Variants in SHISA6 observed in about 807,000 individuals in gnomAD.
SHISA6 encodes the protein protein shisa-6.
A neutral mutation model predicts 47.9 loss-of-function variants in SHISA6; 22 were observed. That is an observed-to-expected ratio of 0.46 (90% CI 0.33 to 0.66). The LOEUF (loss-of-function observed/expected upper bound fraction) is 0.66. SHISA6 is among the 30% of genes least tolerant of loss of function. The pLI, the probability that SHISA6 is intolerant of heterozygous loss-of-function variation, is 0.02. For synonymous variants in SHISA6, 388 were observed against 337.8 expected, an observed-to-expected ratio of 1.15 and a Z score of -1.63; for missense variants, 680 against 764.6, an observed-to-expected ratio of 0.89 and a Z score of 1.30.
chr17:11,517,695 G>C (rs907596783), intron 3 of SHISA6, among the ~76,000 whole-genome samples: 27 of 152,090 alleles, frequency 1.8e-4, no homozygotes, highest in Middle Eastern at 3.4e-3. Flanking sequence ...TAGAGACGGG[G>C]GTCTTGCTGT....
At chr17:11,397,455 TC>T (rs1285179101) in intron 3 of SHISA6, among the ~76,000 whole-genome samples, 10 of 150,770 alleles carry the variant, frequency 6.6e-5, no homozygotes, top group African/African-American at 2.5e-4. Flanking sequence ...TTTTGTTTTT[TC>T]TCTGAAGTTT....
chr17:11,493,889 C>CT (rs915858735), intron 3 of SHISA6, among the ~76,000 whole-genome samples: 4 of 149,488 alleles, frequency 2.7e-5, no homozygotes, highest in Non-Finnish European at 5.9e-5. Flanking sequence ...AATGAAAACT[C>CT]TAACTAAATT....
At chr17:11,383,449 G>A (rs1193209628) in intron 3 of SHISA6, among the ~76,000 whole-genome samples, 4 of 152,088 alleles carry the variant, frequency 2.6e-5, no homozygotes, top group African/African-American at 9.7e-5. Context: ...GATTGAGAAC[G>A]TGAGATCTTA....
chr17:11,420,564 A>G (rs1438567136), intron 3 of SHISA6, among the ~76,000 whole-genome samples: 1 of 152,212 alleles, frequency 6.6e-6, no homozygotes, highest in East Asian at 1.9e-4. Context: ...CTCCGCAGCA[A>G]TAATGAAATT....
intron 2 of SHISA6, among the ~76,000 whole-genome samples, chr17:11,274,596 C>T (rs1047032493): frequency 1.3e-5 from 2 of 152,224 alleles, no homozygotes; most frequent in East Asian, 3.9e-4. Flanking sequence ...GGCTTAATGT[C>T]CGTTGCCTAC....
chr17:11,242,099 G>C (rs1907389280), intron 1 of SHISA6, 39 bp downstream of exon 1: 10 of 1,547,084 alleles, frequency 6.5e-6, no homozygotes, highest in South Asian at 1.2e-5. Flanking sequence ...GTCTCCCCGC[G>C]GCCTCACCCT....
chr17:11,333,701 G>T (rs1597462714), intron 2 of SHISA6, among the ~76,000 whole-genome samples: 1 of 152,048 alleles, frequency 6.6e-6, no homozygotes, highest in African/African-American at 2.4e-5. Flanking sequence ...TTTTAGTAGA[G>T]ATGGGGTTTC....
intron 2 of SHISA6, among the ~76,000 whole-genome samples, chr17:11,360,140 A>G (rs554260794): frequency 1.6e-4 from 25 of 152,354 alleles, no homozygotes; most frequent in African/African-American, 5.8e-4. Context: ...TGCAGCCACA[A>G]AAAGGATGAG....
chr17:11,264,067 A>T (rs1423699831), intron 2 of SHISA6, among the ~76,000 whole-genome samples: 1 of 152,180 alleles, frequency 6.6e-6, no homozygotes, highest in African/African-American at 2.4e-5. Flanking sequence ...TTTTGTACTT[A>T]TCATAGCTAT....
chr17:11,482,549 G>A (rs1916248741), intron 3 of SHISA6, among the ~76,000 whole-genome samples: 2 of 152,114 alleles, frequency 1.3e-5, no homozygotes, highest in African/African-American at 2.4e-5. Context: ...TTTATCTGAC[G>A]ACCCCACGAT....
chr17:11,356,535 G>A (rs1912085188), intron 2 of SHISA6, among the ~76,000 whole-genome samples: 1 of 152,172 alleles, frequency 6.6e-6, no homozygotes, highest in African/African-American at 2.4e-5. Context: ...CTCTAAATGA[G>A]CCCAAGAACT....
chr17:11,260,475 C>T (rs1908189064), intron 1 of SHISA6, among the ~76,000 whole-genome samples: 1 of 152,038 alleles, frequency 6.6e-6, no homozygotes, highest in Admixed American at 6.6e-5. Flanking sequence ...TTGGCCGTCT[C>T]TGTGTCTCTC....
intron 1 of SHISA6, among the ~76,000 whole-genome samples, chr17:11,246,584 G>T (rs1194242702): frequency 6.6e-6 from 1 of 152,206 alleles, no homozygotes; most frequent in Non-Finnish European, 1.5e-5. Context: ...GGGGAAGGAT[G>T]CTGGGAAGGC....
intron 3 of SHISA6, among the ~76,000 whole-genome samples, chr17:11,516,615 A>T (rs1221083365): frequency 6.6e-6 from 1 of 152,124 alleles, no homozygotes; most frequent in Non-Finnish European, 1.5e-5. Context: ...ACTTCAAACT[A>T]CCTATGGTTT....
chr17:11,463,232 A>C (rs1915735221), intron 3 of SHISA6, among the ~76,000 whole-genome samples: 1 of 152,202 alleles, frequency 6.6e-6, no homozygotes, highest in African/African-American at 2.4e-5. Flanking sequence ...TACCTACTTC[A>C]AAAGGGTATT....
chr17:11,259,936 T>A (rs1261545785), intron 1 of SHISA6, among the ~76,000 whole-genome samples: 1 of 152,204 alleles, frequency 6.6e-6, no homozygotes, highest in African/African-American at 2.4e-5. Flanking sequence ...GTACTGGAAT[T>A]AGCCTGAACC....
intron 3 of SHISA6, among the ~76,000 whole-genome samples, chr17:11,469,729 A>G (rs1372947650): frequency 6.6e-6 from 1 of 152,084 alleles, no homozygotes; most frequent in Admixed American, 6.5e-5. Context: ...ACAGAGCTCC[A>G]GCTCCAGACT....
intron 3 of SHISA6, among the ~76,000 whole-genome samples, chr17:11,482,361 G>A (rs2142331503): frequency 6.6e-6 from 1 of 152,306 alleles, no homozygotes; most frequent in African/African-American, 2.4e-5. Context: ...ATAAGTTTAT[G>A]TAAATTCCAG....
Position 11,558,092 on chromosome 17 carries a change from G to T in SHISA6, c.1444G>T (p.Val482Leu). 1 of 1,551,634 alleles carries T rather than the reference G, an allele frequency of 6.4e-7. No homozygotes were observed. Among genetic ancestry groups the T allele is most frequent in the South Asian group, 1.2e-5 (1 of 84,058 alleles). Residue 482 changes from valine (V) to leucine (L), a missense_variant, in exon 6 of 6, where the codon GTG (valine) becomes TTG (leucine). Coordinates refer to ENST00000441885, the MANE Select transcript of SHISA6 (RefSeq NM_207386.4). ...SRAISHTDVFVSTPVLDRYRM... is the reference protein window; with the variant it reads ...SRAISHTDVFLSTPVLDRYRM... ...GGCCATCTCGCACACGGACGTCTTT[G>T]TGTCCACACCCGTGCTGGACCGCTA...
Sources: gnomAD v4.1 joint callset for allele counts (sites outside exome capture counted in the v4.1 genomes callset) on GRCh38, gnomAD v4.1.1 for gene constraint, MANE v1.5 for transcripts, NCBI Gene and HGNC (gene_info 2026-07-23, HGNC 2026-07-21) for gene names.